RFTN1: variants seen among roughly 807,000 people sequenced by gnomAD.
The protein encoded by RFTN1 is raftlin.
In RFTN1, 26 loss-of-function variants were observed where a neutral mutation model predicts 46.5. The ratio of observed to expected loss-of-function variants is 0.56; its 90% CI spans 0.41 to 0.78. The LOEUF is 0.78. Ranked by LOEUF, RFTN1 falls within the 30% of genes least tolerant of loss-of-function variation. The pLI, the probability that RFTN1 is intolerant of heterozygous loss-of-function variation, is 0.00. For missense variants in RFTN1, 693 were observed against 718.7 expected, an observed-to-expected ratio of 0.96 and a Z score of 0.41; for synonymous variants, 261 against 284.2, an observed-to-expected ratio of 0.92 and a Z score of 0.82.
intron 2 of RFTN1, chr3:16,472,149 A>G (rs2076208559): frequency 6.6e-6 from 1 of 152,016 alleles, no homozygotes; most frequent in African/African-American, 2.4e-5. Flanking sequence ...TTGAGGAGTT[A>G]AAGAGGAAAA....
Position 16,489,349 on chromosome 3 carries a change from T to C in RFTN1, c.145+4376A>G, listed in dbSNP as rs1051767401. On this transcript the variant is annotated intron_variant, in intron 2 of 9. Transcript: ENST00000334133. The surrounding 1 kb of genome is among the most constrained non-coding windows in gnomAD (Gnocchi z 4.0). ...ACAAGAATTATTTGAACCCAGGAGG[T>C]GAAGATTGCAGTGAGCCGAGATTGC... Among the ~76,000 whole-genome samples, 7 of 151,592 alleles carry C rather than the reference T, an allele frequency of 4.6e-5. No homozygotes were observed. The highest frequency in any genetic ancestry group is 7.3e-5 in the African/African-American group (3 of 41,184).
chr3:16,393,664 ATT>A (rs4035508), intron 4 of RFTN1, among the ~76,000 whole-genome samples: 35,248 of 145,610 alleles, frequency 0.24, 7,172 homozygotes, highest in African/African-American at 0.56. Flanking sequence ...TTTTTTTTTA[ATT>A]TTTTTTTTTT....
rs989852873 is a variant in RFTN1, at chr3:16,508,987, T to G, written c.-9+4455A>C. Among the ~76,000 whole-genome samples, 4 of 152,186 alleles carry G rather than the reference T, an allele frequency of 2.6e-5. No individual in the cohort carries two copies. The South Asian group carries it at 8.3e-4, about 31-fold the overall frequency. On this transcript the variant is annotated intron_variant, in intron 1 of 9. Coordinates refer to ENST00000334133, the MANE Select transcript of RFTN1 (RefSeq NM_015150.2). Reference sequence around the variant, plus strand: ...GAGACGGAAGGACTGAATTTTAAATTTTCTTTTCTTTTAATTCATTACATT... The same window carrying G: ...GAGACGGAAGGACTGAATTTTAAATGTTCTTTTCTTTTAATTCATTACATT...
At chr3:16,367,269 T>C (rs543638129) in intron 6 of RFTN1, among the ~76,000 whole-genome samples, 2 of 150,314 alleles carry the variant, frequency 1.3e-5, no homozygotes, top group South Asian at 4.3e-4. Context: ...CTCTTATGAT[T>C]ACGATTAGCT....
rs2072189305 is a variant in RFTN1 at position 16,352,826 on chromosome 3, G to A, written c.1146+5106C>T. Among the ~76,000 whole-genome samples, 3 of 152,188 alleles carry A rather than the reference G, an allele frequency of 2.0e-5. No homozygotes were observed. The highest frequency in any genetic ancestry group is 2.0e-4 in the Admixed American group (3 of 15,284). ...AACTGAAAATAGAAAAAGCAGGTGT[G>A]GTTTACTTTTCACATAGTCTGTCAC... On this transcript the variant is annotated intron_variant, in intron 7 of 9. Coordinates refer to ENST00000334133, the MANE Select transcript of RFTN1 (RefSeq NM_015150.2). The surrounding 1 kb of genome is among the most constrained non-coding windows in gnomAD (Gnocchi z 4.6).
At chr3:16,482,801 G>C (rs1284300340) in intron 2 of RFTN1, 40 of 1,536,178 alleles carry the variant, frequency 2.6e-5, no homozygotes, top group Non-Finnish European at 3.4e-5. Flanking sequence ...GGGATCCCCA[G>C]AGAGGCCAGG....
rs2076865105 is a variant in RFTN1, at chr3:16,509,625, A to G, written c.-9+3817T>C. On this transcript the variant is annotated intron_variant, in intron 1 of 9. Coordinates refer to ENST00000334133, the MANE Select transcript of RFTN1 (RefSeq NM_015150.2). The surrounding 1 kb of genome is among the most constrained non-coding windows in gnomAD (Gnocchi z 4.9). Reference sequence around the variant, plus strand: ...CAGTGTTAATACAATGAAAGTTTACACTGAACAAAATTTTCCTAGGCCCAA... The same window carrying G: ...CAGTGTTAATACAATGAAAGTTTACGCTGAACAAAATTTTCCTAGGCCCAA... 6.6e-6 allele frequency among the ~76,000 whole-genome samples: 1 copy of G among 152,232 alleles called. No individual in the cohort carries two copies. Among genetic ancestry groups the G allele is most frequent in the African/African-American group, 2.4e-5 (1 of 41,466 alleles).
rs993323966 is a variant in RFTN1, at chr3:16,384,685, C to T, written c.442-6583G>A. Among the ~76,000 whole-genome samples, 1 of 152,220 alleles carries T rather than the reference C, an allele frequency of 6.6e-6. No individual in the cohort carries two copies. The highest frequency in any genetic ancestry group is 2.4e-5 in the African/African-American group (1 of 41,450). On this transcript the variant is annotated intron_variant, in intron 4 of 9. Transcript: ENST00000334133. This position sits in a 1 kb window ranked among gnomAD's most constrained non-coding sequence, Gnocchi z 4.7. ...ATTAATGCTGGGAATCAGAAACCTA[C>T]TGCTAAAAAATAGAGAGCTGTGCTG...
rs751231879 is a variant in RFTN1, at chr3:16,499,396, C to T, written c.-8-5519G>A. Reference sequence around the variant, plus strand: ...CTCCCTGACTTTTGGGGTGCCTGCTCGTGGAATCCAGCCACCATGCCATGA... The same window carrying T: ...CTCCCTGACTTTTGGGGTGCCTGCTTGTGGAATCCAGCCACCATGCCATGA... On this transcript the variant is annotated intron_variant, in intron 1 of 9. Coordinates refer to ENST00000334133, the MANE Select transcript of RFTN1 (RefSeq NM_015150.2). The surrounding 1 kb of genome is among the most constrained non-coding windows in gnomAD (Gnocchi z 4.9). 4.6e-5 allele frequency among the ~76,000 whole-genome samples: 7 copies of T among 152,196 alleles called. No individual in the cohort carries two copies. Among genetic ancestry groups the T allele is most frequent in the East Asian group, 1.9e-4 (1 of 5,206 alleles).
Position 16,327,894 on chromosome 3 carries a change from G to A in RFTN1, c.1147-1018C>T, listed in dbSNP as rs767686478. ...CAACAGGCCTCATTTCTTACTACGGGTTCCTCACTAACACTCAAAGTGTAG... is the reference window on the plus strand; with the variant it reads ...CAACAGGCCTCATTTCTTACTACGGATTCCTCACTAACACTCAAAGTGTAG... On this transcript the variant is annotated intron_variant, in intron 7 of 9. Transcript: ENST00000334133. The surrounding 1 kb of genome is among the most constrained non-coding windows in gnomAD (Gnocchi z 4.2). 2.0e-5 allele frequency among the ~76,000 whole-genome samples: 3 copies of A among 152,154 alleles called. No individual in the cohort carries two copies. The highest frequency in any genetic ancestry group is 4.4e-5 in the Non-Finnish European group (3 of 68,018).
intron 2 of RFTN1, among the ~76,000 whole-genome samples, chr3:16,453,843 T>C (rs2124912687): frequency 6.6e-6 from 1 of 152,354 alleles, no homozygotes; most frequent in South Asian, 2.1e-4. Flanking sequence ...TTTCCAATTT[T>C]AATTTTAAAA....
chr3:16,464,384 C>T (rs1297305448), intron 2 of RFTN1, among the ~76,000 whole-genome samples: 1 of 152,180 alleles, frequency 6.6e-6, no homozygotes, highest in African/African-American at 2.4e-5. Context: ...TAGCCCCCTA[C>T]TCCTCATTGT....
chr3:16,411,568 C>T (rs2074981336), intron 3 of RFTN1, among the ~76,000 whole-genome samples: 1 of 152,148 alleles, frequency 6.6e-6, no homozygotes, highest in African/African-American at 2.4e-5. Context: ...GAACCCTAAC[C>T]TTTTTGCCTT....
chr3:16,403,780 T>A (rs1575230946), intron 4 of RFTN1, among the ~76,000 whole-genome samples: 3 of 11,172 alleles, frequency 2.7e-4, no homozygotes, highest in Non-Finnish European at 2.7e-4. Context: ...ATAATATATA[T>A]TATATATTTT....
chr3:16,439,884 T>C (rs2075589248), intron 2 of RFTN1, among the ~76,000 whole-genome samples: 2 of 151,814 alleles, frequency 1.3e-5, no homozygotes, highest in Admixed American at 1.3e-4. Flanking sequence ...AAAACTAACG[T>C]TTTAAGTATC....
At chr3:16,478,148 C>G (rs2076312630) in intron 2 of RFTN1, among the ~76,000 whole-genome samples, 1 of 152,142 alleles carries the variant, frequency 6.6e-6, no homozygotes, top group African/African-American at 2.4e-5. Context: ...GAAAATTGTC[C>G]CCAACCAAAC....
At chr3:16,388,989 C>T (rs2074281343) in intron 4 of RFTN1, among the ~76,000 whole-genome samples, 1 of 152,160 alleles carries the variant, frequency 6.6e-6, no homozygotes. Flanking sequence ...AATCTCAGCA[C>T]CACAGTTAAA....
Position 16,334,873 on chromosome 3 carries a change from C to T in RFTN1, c.1147-7997G>A, listed in dbSNP as rs143067475. Among the ~76,000 whole-genome samples, 626 of 152,260 alleles carry T rather than the reference C, an allele frequency of 4.1e-3. 7 individuals carry two copies. The highest frequency in any genetic ancestry group is 0.014 in the African/African-American group (602 of 41,546). ...TGTGCCCAGTATAATCACAGGGGTC[C>T]TTATAAGGACAGGCAGGAAGGCCAG... On this transcript the variant is annotated intron_variant, in intron 7 of 9. Transcript: ENST00000334133. This position sits in a 1 kb window ranked among gnomAD's most constrained non-coding sequence, Gnocchi z 4.3.
intron 3 of RFTN1, among the ~76,000 whole-genome samples, chr3:16,431,534 G>C (rs1057497361): frequency 6.6e-6 from 1 of 151,672 alleles, no homozygotes; most frequent in Non-Finnish European, 1.5e-5. Flanking sequence ...CACTTTTTGA[G>C]TTAAGCTCAG....
Sources: gnomAD v4.1 joint callset for allele counts (sites outside exome capture counted in the v4.1 genomes callset) on GRCh38, gnomAD v4.1.1 for gene constraint, Gnocchi (gnomAD v3.1) non-coding constraint, MANE v1.5 for transcripts, NCBI Gene and HGNC (gene_info 2026-07-23, HGNC 2026-07-21) for gene names.